The following LINS1 variants were observed in gnomAD, a reference collection of about 807,000 sequenced individuals.
LINS1 encodes protein Lines homolog 1.
Under a neutral mutation model 41.6 loss-of-function variants are expected in LINS1, and 27 were observed. That is an observed-to-expected ratio of 0.65 (90% CI 0.48 to 0.89). LINS1 has a LOEUF of 0.89. Ranked by LOEUF, LINS1 falls within the 40% of genes least tolerant of loss-of-function variation. The pLI is 0.00. For synonymous variants in LINS1, 336 were observed against 312.9 expected, an observed-to-expected ratio of 1.07 and a Z score of -0.78; for missense variants, 955 against 884.1, an observed-to-expected ratio of 1.08 and a Z score of -1.02.
At chr15:100,588,039 G>C (rs2038885358) in intron 1 of LINS1, among the ~76,000 whole-genome samples, 1 of 152,262 alleles carries the variant, frequency 6.6e-6, no homozygotes, top group Non-Finnish European at 1.5e-5. Flanking sequence ...ATGGTTAAAT[G>C]AAAGGTAAAT....
At chr15:100,583,502 G>A (rs1290407228) in intron 1 of LINS1, among the ~76,000 whole-genome samples, 1 of 152,206 alleles carries the variant, frequency 6.6e-6, no homozygotes, top group Non-Finnish European at 1.5e-5. Context: ...CATCCCATAT[G>A]ATTGATTAAT....
chr15:100,589,343 C>T (rs2038937843), intron 1 of LINS1, among the ~76,000 whole-genome samples: 2 of 152,136 alleles, frequency 1.3e-5, no homozygotes, highest in African/African-American at 4.8e-5. Context: ...CAAGAAAATA[C>T]TTTTTGTCAG....
At chr15:100,573,194 G>C (rs147619099) in intron 5 of LINS1, 1 of 183,460 alleles carries the variant, frequency 5.5e-6, no homozygotes, top group African/African-American at 2.4e-5. Context: ...GATGGGTCGC[G>C]GCTCACTGTA....
chr15:100,573,279 G>T (rs993705148), intron 5 of LINS1: 211 of 698,898 alleles, frequency 3.0e-4, no homozygotes, highest in Non-Finnish European at 3.6e-4. Context: ...GGTCAGGGCT[G>T]CAGTGGGCCA....
At chr15:100,594,776 C>T (rs2039176733) in intron 1 of LINS1, among the ~76,000 whole-genome samples, 1 of 152,136 alleles carries the variant, frequency 6.6e-6, no homozygotes, top group Non-Finnish European at 1.5e-5. Flanking sequence ...GCCAGCACCC[C>T]ATCCTGTAGC....
chr15:100,576,226 G>C (rs532705977), intron 3 of LINS1, among the ~76,000 whole-genome samples: 157 of 152,204 alleles, frequency 1.0e-3, no homozygotes, highest in African/African-American at 3.5e-3. Context: ...AAAAATCAAT[G>C]AATCCAGGAG....
At chr15:100,580,990 T>C in intron 1 of LINS1, 45 bp from the exon 2 acceptor site, 1 of 682,624 alleles carries the variant, frequency 1.5e-6, no homozygotes, top group Non-Finnish European at 2.4e-6. Flanking sequence ...GCTATATGCT[T>C]ATTACAAGAG....
intron 4 of LINS1, 65 bp from the exon 5 acceptor site, chr15:100,574,306 C>T: frequency 5.6e-6 from 6 of 1,065,138 alleles, no homozygotes; most frequent in South Asian, 1.4e-5. Context: ...TTTTACAATT[C>T]ACTTTTTATA....
chr15:100,592,365 G>C (rs2039076544), intron 1 of LINS1, among the ~76,000 whole-genome samples: 1 of 152,176 alleles, frequency 6.6e-6, no homozygotes, highest in African/African-American at 2.4e-5. Flanking sequence ...TTTTACGGAG[G>C]CTTCTTTACT....
chr15:100,587,258 T>G (rs574107750), intron 1 of LINS1, among the ~76,000 whole-genome samples: 1 of 149,734 alleles, frequency 6.7e-6, no homozygotes, highest in Non-Finnish European at 1.5e-5. Flanking sequence ...TTCACATACA[T>G]GCTTGCATTG....
At chr15:100,575,912 T>C (rs2141287869) in intron 3 of LINS1, among the ~76,000 whole-genome samples, 1 of 152,330 alleles carries the variant, frequency 6.6e-6, no homozygotes, top group African/African-American at 2.4e-5. Flanking sequence ...AACAACCTGC[T>C]CCTGAATGAC....
chr15:100,575,034 G>A lies in LINS1; in HGVS notation c.584C>T (p.Thr195Ile), dbSNP rs756630772. 3.1e-6 allele frequency: 5 copies of A among 1,612,700 alleles called. No individual in the cohort carries two copies. Among genetic ancestry groups the A allele is most frequent in the South Asian group, 2.2e-5 (2 of 91,070 alleles). Reference sequence around the variant, plus strand: ...TTTAAAGATTTCTTTTATTATTGCTGTAAGAGTCCAGAGGCAGTATATTGC... The same window carrying A: ...TTTAAAGATTTCTTTTATTATTGCTATAAGAGTCCAGAGGCAGTATATTGC... Reference protein sequence around the residue: ...NKAIYCLWTLTAIIKEIFKDS... With the variant: ...NKAIYCLWTLIAIIKEIFKDS... The change falls in exon 4 of 7, where the codon ACA becomes ATA. Residue 195 changes from threonine (T) to isoleucine (I), a missense_variant. Transcript: ENST00000314742.
At chr15:100,575,330 T>G (rs907631798) in intron 3 of LINS1, among the ~76,000 whole-genome samples, 1 of 151,648 alleles carries the variant, frequency 6.6e-6, no homozygotes, top group African/African-American at 2.4e-5. Context: ...TGGAGGAAGA[T>G]CTACCAAGCA....
At chr15:100,588,616 A>G (rs926026455) in intron 1 of LINS1, among the ~76,000 whole-genome samples, 6 of 152,246 alleles carry the variant, frequency 3.9e-5, no homozygotes, top group African/African-American at 1.4e-4. Flanking sequence ...TAAGGTCACA[A>G]ACTGCTTCTT....
At chr15:100,600,202 C>A (rs7177883) in intron 1 of LINS1, among the ~76,000 whole-genome samples, 19,057 of 152,096 alleles carry the variant, frequency 0.13, 1,418 homozygotes, top group East Asian at 0.27. Context: ...GGGCTGAAAA[C>A]GGTTGAAGAA....
rs1199320258 is a variant in LINS1 at position 100,567,239 on chromosome 15, A to C, written c.*1999T>G. ...CAATAGTAAGTATGCGTGTATCTAAACATGCCTAAACATAGGACAGTCACA... is the reference window on the plus strand; with the variant it reads ...CAATAGTAAGTATGCGTGTATCTAACCATGCCTAAACATAGGACAGTCACA... On this transcript the variant is annotated 3_prime_UTR_variant, in exon 7 of 7. Transcript: ENST00000314742. The C allele has an allele frequency of 1.3e-5, 2 of 152,224 alleles. No homozygotes were observed. Among genetic ancestry groups the C allele is most frequent in the Non-Finnish European group, 2.9e-5 (2 of 68,048 alleles). The allele number at this position is 152,224 out of a possible 1,614,324, so 9.4% of individuals were successfully genotyped here.
rs1316750380 is a variant in LINS1, at chr15:100,567,993, G to A, written c.*1245C>T. 6.6e-6 allele frequency: 1 copy of A among 151,676 alleles called. No individual in the cohort carries two copies. Among genetic ancestry groups the A allele is most frequent in the Non-Finnish European group, 1.5e-5 (1 of 67,954 alleles). The allele number at this position is 151,676 out of a possible 1,614,324, so 9.4% of individuals were successfully genotyped here. A position where few individuals can be genotyped will look rare whatever the true frequency, so the allele number is the denominator to read the frequency against. ...AGAGATCATTAAAAAAAAATGTACA[G>A]GCAATATTTTAGACTGCCTTAATGC... On this transcript the variant is annotated 3_prime_UTR_variant, in exon 7 of 7. Coordinates refer to ENST00000314742, the MANE Select transcript of LINS1 (RefSeq NM_001040616.3).
At chr15:100,592,581 G>A (rs2039085326) in intron 1 of LINS1, among the ~76,000 whole-genome samples, 2 of 152,080 alleles carry the variant, frequency 1.3e-5, no homozygotes, top group Non-Finnish European at 2.9e-5. Flanking sequence ...TGTGAAAAGT[G>A]TTTATTATAA....
chr15:100,587,495 T>C (rs1490808025), intron 1 of LINS1, among the ~76,000 whole-genome samples: 1 of 152,202 alleles, frequency 6.6e-6, no homozygotes, highest in Non-Finnish European at 1.5e-5. Flanking sequence ...AATTTAGGGT[T>C]GGTTTTCTGT....
Sources: allele counts gnomAD v4.1 joint callset (sites outside exome capture counted in the v4.1 genomes callset), GRCh38; gene constraint gnomAD v4.1.1; transcripts MANE v1.5; gene names NCBI Gene and HGNC (gene_info 2026-07-23, HGNC 2026-07-21).